The following PLA2G12B variants were observed in gnomAD, a reference collection of about 807,000 sequenced individuals.
PLA2G12B encodes the protein phospholipase A2 group XIIB, also known as group XIIB secretory phospholipase A2-like protein.
A neutral mutation model predicts 22.3 loss-of-function variants in PLA2G12B; 19 were observed. The ratio of observed to expected loss-of-function variants is 0.85; its 90% CI spans 0.60 to 1.25. PLA2G12B has a LOEUF of 1.25. Among genes scored for constraint, PLA2G12B ranks in the 50% most tolerant of loss-of-function variants. The pLI is 0.00. For missense variants in PLA2G12B, 191 were observed against 246.6 expected (o/e 0.77, Z 1.51); for synonymous variants, 81 against 94.9 (o/e 0.85, Z 0.85).
intron 1 of PLA2G12B, among the ~76,000 whole-genome samples, 174 bp from the exon 2 acceptor site, chr10:72,942,914 T>C (rs1025734826): frequency 6.6e-6 from 1 of 152,142 alleles, no homozygotes; most frequent in African/African-American, 2.4e-5. Context: ...AGAAGAATAA[T>C]GACTTTCAAA....
At chr10:72,947,148 C>G (rs972031279) in intron 1 of PLA2G12B, among the ~76,000 whole-genome samples, 2 of 152,058 alleles carry the variant, frequency 1.3e-5, no homozygotes, top group Non-Finnish European at 2.9e-5. Flanking sequence ...TGGTCTTAAA[C>G]TCCTAGGCTC....
intron 1 of PLA2G12B, among the ~76,000 whole-genome samples, chr10:72,943,887 A>G (rs180757667): frequency 4.7e-4 from 72 of 152,308 alleles, no homozygotes; most frequent in African/African-American, 1.7e-3. Context: ...GAGATACAAG[A>G]CCCTAGTGTA....
intron 3 of PLA2G12B, among the ~76,000 whole-genome samples, chr10:72,939,323 G>A (rs1233929691): frequency 1.3e-5 from 2 of 152,238 alleles, no homozygotes; most frequent in Non-Finnish European, 2.9e-5. Context: ...TCAACCCAAG[G>A]AGTTTGATTC....
chr10:72,942,722 C>A lies in PLA2G12B; in HGVS notation c.230G>T (p.Arg77Ile). 2 of 1,604,506 alleles carry A rather than the reference C, an allele frequency of 1.2e-6. No homozygotes were observed. The highest frequency in any genetic ancestry group is 2.2e-5 in the South Asian group (2 of 88,900). The change falls in exon 2 of 4, where the codon AGA becomes ATA. Residue 77 changes from arginine to isoleucine, a missense_variant. Coordinates refer to ENST00000373032, the MANE Select transcript of PLA2G12B (RefSeq NM_032562.5). ...RCRYGKAPMP[R>I]PGYKPQEPNG... The stretch of plus-strand genomic sequence containing the variant: ...GGGCTCTTGGGGCTTGTAGCCAGGT[C>A]TGGGCATTGGTGCCTTTCCTTGCAG...
At chr10:72,952,012 G>A (rs1846539511) in intron 1 of PLA2G12B, among the ~76,000 whole-genome samples, 3 of 152,152 alleles carry the variant, frequency 2.0e-5, no homozygotes, top group Admixed American at 2.0e-4. Flanking sequence ...TCATAGAATG[G>A]CACCCCTTTA....
chr10:72,949,716 G>A (rs554814369), intron 1 of PLA2G12B, among the ~76,000 whole-genome samples: 8 of 152,128 alleles, frequency 5.3e-5, no homozygotes, highest in Admixed American at 1.3e-4. Context: ...GGTGGCTCAC[G>A]CCTGTAATCC....
chr10:72,945,237 G>C (rs931276101), intron 1 of PLA2G12B, among the ~76,000 whole-genome samples: 1 of 152,148 alleles, frequency 6.6e-6, no homozygotes, highest in African/African-American at 2.4e-5. Flanking sequence ...GTGTGACCCA[G>C]AGAATACTGC....
At chr10:72,948,019 C>T (rs1042445484) in intron 1 of PLA2G12B, among the ~76,000 whole-genome samples, 3 of 152,082 alleles carry the variant, frequency 2.0e-5, no homozygotes, top group African/African-American at 4.8e-5. Context: ...GTATTACAGG[C>T]GCCTGCCACC....
Position 72,938,127 on chromosome 10 carries a change from AAAAG to A in PLA2G12B, c.467-2393_467-2390del, listed in dbSNP as rs373306939. On this transcript the variant is annotated intron_variant, in intron 3 of 3. Coordinates refer to ENST00000373032, the MANE Select transcript of PLA2G12B (RefSeq NM_032562.5). ...AAACTCCATCTCAGAAAAAAAAAAA[AAAAG>A]AAAGAAAGAAAGAAAGAAAAATTAA... 1.6e-3 allele frequency among the ~76,000 whole-genome samples: 236 copies of A among 151,836 alleles called. 4 individuals carry two copies. The South Asian group carries it at 0.04, about 26-fold the overall frequency.
At chr10:72,944,269 TGTGACA>T (rs1273802078) in intron 1 of PLA2G12B, among the ~76,000 whole-genome samples, 1 of 152,224 alleles carries the variant, frequency 6.6e-6, no homozygotes, top group Non-Finnish European at 1.5e-5. Context: ...TTTAATTAAA[TGTGACA>T]GTTCAAGTAC....
chr10:72,948,907 A>G lies in PLA2G12B; in HGVS notation c.211+5568T>C, dbSNP rs554223126. The stretch of plus-strand genomic sequence containing the variant: ...CGAGAAGTGTTAGCCAAGAATCCCA[A>G]GAGCTCTACCTGCCAGCGGTAGACA... On this transcript the variant is annotated intron_variant, in intron 1 of 3. Coordinates refer to ENST00000373032, the MANE Select transcript of PLA2G12B (RefSeq NM_032562.5). Among the ~76,000 whole-genome samples, 29 of 152,346 alleles carry G rather than the reference A, an allele frequency of 1.9e-4. No homozygotes were observed. In the South Asian group the frequency reaches 6.0e-3, roughly 32 times the overall value.
At position 72,938,040 on chromosome 10, in the gene PLA2G12B, G is replaced by A. The variant is rs1052647374; in HGVS notation, c.467-2302C>T. Among the ~76,000 whole-genome samples the A allele has an allele frequency of 4.0e-5, 6 of 151,650 alleles. No homozygotes were observed. The East Asian group carries it at 5.8e-4, about 15-fold the overall frequency. ...AAGGCAGGAGAATCGCTTGAACCCGGGGTGTGGAGGTTGCAGTGAGCCAAG... is the reference window on the plus strand; with the variant it reads ...AAGGCAGGAGAATCGCTTGAACCCGAGGTGTGGAGGTTGCAGTGAGCCAAG... On this transcript the variant is annotated intron_variant, in intron 3 of 3. Transcript: ENST00000373032.
rs780950361 is a variant in PLA2G12B, at chr10:72,954,603, T to G, written c.83A>C (p.Glu28Ala). ...AAGGCCCCAGTCTGAATAGGACTCC[T>G]CCGTGTCAGGGCTCGTGTCGCTCTG... ...LAQSDTSPDT[E>A]ESYSDWGLRH... Residue 28 changes from glutamate (E) to alanine (A), a missense_variant, in exon 1 of 4, where the codon GAG becomes GCG. Physicochemically the swap from Glu to Ala is moderately radical, Grantham distance 107 (BLOSUM62 -1). Transcript: ENST00000373032. 2.5e-6 allele frequency: 4 copies of G among 1,614,182 alleles called. No individual in the cohort carries two copies. Among genetic ancestry groups the G allele is most frequent in the Non-Finnish European group, 3.4e-6 (4 of 1,180,044 alleles).
chr10:72,952,932 C>G (rs904334195), intron 1 of PLA2G12B, among the ~76,000 whole-genome samples: 2 of 152,170 alleles, frequency 1.3e-5, no homozygotes, highest in African/African-American at 2.4e-5. Context: ...TCTTGATTTC[C>G]TAATAAAAAT....
rs1460278551 is a variant in PLA2G12B at position 72,935,700 on chromosome 10, C to T, written c.505G>A (p.Val169Met). The part of the protein sequence containing the change: ...DSLVDTVFNT[V>M]WTLGCRPFMN... ...AAGGGGCGGCAGCCCAAGGTCCACA[C>T]GGTGTTGAACACAGTGTCAACCAGG... Residue 169 changes from valine to methionine, a missense_variant, in exon 4 of 4, where the codon GTG becomes ATG. Coordinates refer to ENST00000373032, the MANE Select transcript of PLA2G12B (RefSeq NM_032562.5). 13 of 1,614,028 alleles carry T rather than the reference C, an allele frequency of 8.1e-6. No homozygotes were observed. The highest frequency in any genetic ancestry group is 2.2e-5 in the East Asian group (1 of 44,894).
intron 1 of PLA2G12B, among the ~76,000 whole-genome samples, chr10:72,948,925 G>A (rs534445689): frequency 2.0e-4 from 31 of 152,274 alleles, no homozygotes; most frequent in African/African-American, 6.5e-4. Flanking sequence ...ACCTGCCAGC[G>A]GTAGACACTG....
At chr10:72,948,818 A>AT (rs1333114130) in intron 1 of PLA2G12B, among the ~76,000 whole-genome samples, 13 of 152,248 alleles carry the variant, frequency 8.5e-5, no homozygotes, top group African/African-American at 3.1e-4. Context: ...ATCTTATAAA[A>AT]CTTAAAAGCT....
At chr10:72,938,731 A>G (rs1468770660) in intron 3 of PLA2G12B, among the ~76,000 whole-genome samples, 1 of 152,246 alleles carries the variant, frequency 6.6e-6, no homozygotes, top group African/African-American at 2.4e-5. Context: ...TCTTGTTAAG[A>G]TGGCAATATT....
Position 72,935,866 on chromosome 10 carries a change from T to C in PLA2G12B, c.467-128A>G, listed in dbSNP as rs1007206316. ...AAATACAGAATTCAAAGGAAGAGCA[T>C]CCATTTCAGAGAATGTTCTCAGAAA... is the stretch of plus-strand genomic sequence containing the variant. On this transcript the variant is annotated intron_variant, in intron 3 of 3. Transcript: ENST00000373032. 5 of 1,264,218 alleles carry C rather than the reference T, an allele frequency of 4.0e-6. No individual in the cohort carries two copies. In the African/African-American group the frequency reaches 7.5e-5, roughly 19 times the overall value. The allele number at this position is 1,264,218 out of a possible 1,614,324, so 78.3% of individuals were successfully genotyped here.
Sources: allele counts gnomAD v4.1 joint callset (sites outside exome capture counted in the v4.1 genomes callset), GRCh38; gene constraint gnomAD v4.1.1; transcripts MANE v1.5; gene names NCBI Gene and HGNC (gene_info 2026-07-23, HGNC 2026-07-21).